SMOC1: variants seen among roughly 807,000 people sequenced by gnomAD.
The protein encoded by SMOC1 is SPARC related modular calcium binding 1.
SMOC1 carries 22 observed loss-of-function variants against 56.3 expected under a neutral mutation model. The ratio of observed to expected loss-of-function variants is 0.39; its 90% confidence interval spans 0.28 to 0.56. The LOEUF (loss-of-function observed/expected upper bound fraction) is 0.56, where lower values mean the gene tolerates loss of function less well. Among genes scored for constraint, SMOC1 ranks in the 20% least tolerant of loss-of-function variants. The pLI is 0.61. For synonymous variants in SMOC1, 193 were observed against 215.0 expected (o/e 0.90, Z 0.89); for missense variants, 509 against 565.4 (o/e 0.90, Z 1.01).
chr14:70,011,401 C>G, intron 8 of SMOC1, 84 bp from the exon 9 acceptor site: 1 of 1,317,006 alleles, frequency 7.6e-7, no homozygotes, highest in Non-Finnish European at 1.1e-6. Flanking sequence ...TTGGTGACAA[C>G]ATAGATCATT....
intron 1 of SMOC1, among the ~76,000 whole-genome samples, chr14:69,925,862 CA>C: frequency 6.6e-6 from 1 of 152,248 alleles, no homozygotes; most frequent in East Asian, 1.9e-4. Context: ...AGCAGGAAAT[CA>C]AACCCTGTTT....
chr14:69,947,344 A>G (rs912227696), intron 1 of SMOC1, among the ~76,000 whole-genome samples: 1 of 151,850 alleles, frequency 6.6e-6, no homozygotes, highest in African/African-American at 2.4e-5. Context: ...TAATTTTAAA[A>G]TTTTTTGTAG....
At chr14:69,980,698 C>T (rs1438595809) in intron 5 of SMOC1, among the ~76,000 whole-genome samples, 1 of 152,214 alleles carries the variant, frequency 6.6e-6, no homozygotes, top group African/African-American at 2.4e-5. Flanking sequence ...GGTGGGAAGA[C>T]ACAAAGGCCC....
chr14:69,966,586 C>G (rs889731137), intron 3 of SMOC1, among the ~76,000 whole-genome samples: 16 of 152,174 alleles, frequency 1.1e-4, no homozygotes, highest in Admixed American at 1.0e-3. Flanking sequence ...CTACCTACCC[C>G]ACTCCAATCC....
At chr14:69,932,884 A>G (rs1454658933) in intron 1 of SMOC1, among the ~76,000 whole-genome samples, 1 of 152,172 alleles carries the variant, frequency 6.6e-6, no homozygotes, top group Admixed American at 6.5e-5. Flanking sequence ...CCGATGAGAC[A>G]TTCTGAGCAA....
intron 1 of SMOC1, among the ~76,000 whole-genome samples, chr14:69,938,227 C>T (rs1882399035): frequency 6.6e-6 from 1 of 152,134 alleles, no homozygotes; most frequent in Admixed American, 6.5e-5. Flanking sequence ...CCATGACATA[C>T]TCTCCAGGGG....
chr14:70,030,133 G>T, intron 11 of SMOC1, 109 bp from the exon 12 acceptor site: 2 of 1,535,268 alleles, frequency 1.3e-6, no homozygotes, highest in Non-Finnish European at 1.8e-6. Context: ...CACTTGTGGG[G>T]AAATTGATGG....
chr14:69,879,830 C>T (rs992653194), intron 1 of SMOC1, 53 bp downstream of exon 1: 62 of 1,446,596 alleles, frequency 4.3e-5, no homozygotes, highest in Non-Finnish European at 5.6e-5. Flanking sequence ...GAGGTTGCTT[C>T]CCCCCTCATC....
intron 3 of SMOC1, among the ~76,000 whole-genome samples, chr14:69,958,707 A>G (rs1187028278): frequency 6.6e-6 from 1 of 152,240 alleles, no homozygotes; most frequent in African/African-American, 2.4e-5. Flanking sequence ...TATTCTAAGG[A>G]AGTAACTAAA....
At chr14:69,971,980 T>G (rs1275518042) in intron 3 of SMOC1, among the ~76,000 whole-genome samples, 1 of 152,184 alleles carries the variant, frequency 6.6e-6, no homozygotes, top group African/African-American at 2.4e-5. Context: ...TATAACACAA[T>G]GATAATAAAA....
intron 4 of SMOC1, 105 bp from the exon 5 acceptor site, chr14:69,977,813 A>G: frequency 1.2e-6 from 1 of 855,568 alleles, no homozygotes; most frequent in Non-Finnish European, 2.0e-6. Flanking sequence ...CAATACATAT[A>G]TACATGACCA....
chr14:69,928,352 G>T (rs192978063), intron 1 of SMOC1, among the ~76,000 whole-genome samples: 2 of 152,282 alleles, frequency 1.3e-5, no homozygotes, highest in African/African-American at 2.4e-5. Context: ...GTTTTTCTTG[G>T]CAAATTGCGA....
At chr14:69,943,849 A>G (rs1354770885) in intron 1 of SMOC1, among the ~76,000 whole-genome samples, 1 of 152,170 alleles carries the variant, frequency 6.6e-6, no homozygotes, top group African/African-American at 2.4e-5. Flanking sequence ...GGGGGCAACT[A>G]CTATAGACCC....
intron 1 of SMOC1, among the ~76,000 whole-genome samples, chr14:69,936,812 G>A (rs10139615): frequency 0.54 from 82,511 of 152,020 alleles, 22,612 homozygotes; most frequent in Admixed American, 0.59. Context: ...ACCCATCTGT[G>A]TTCCTACCAT....
At chr14:69,995,792 G>A (rs948563721) in intron 7 of SMOC1, among the ~76,000 whole-genome samples, 19 of 152,088 alleles carry the variant, frequency 1.2e-4, no homozygotes, top group African/African-American at 3.6e-4. Context: ...TATGAATAAC[G>A]GGAATAGTAA....
chr14:69,920,593 A>G (rs1252297466), intron 1 of SMOC1, among the ~76,000 whole-genome samples: 1 of 152,250 alleles, frequency 6.6e-6, no homozygotes, highest in Non-Finnish European at 1.5e-5. Context: ...GTTCTGTGCC[A>G]GACACAGCGC....
In SMOC1 at chr14:70,023,354, T is replaced by G; in HGVS notation, c.1198T>G (p.Cys400Gly). The change falls in exon 11 of 12, where the codon TGT becomes GGT. Residue 400 changes from cysteine to glycine, a missense_variant. Physicochemically the swap from Cys to Gly is radical, Grantham distance 159. Coordinates refer to ENST00000361956, the MANE Select transcript of SMOC1 (RefSeq NM_001034852.3). ...GAAGAAGAAAGCCAAGCCCAAGAAA[T>G]GTGCCCGGCGTTTCACCGACTACTG... Reference protein sequence around the residue: ...YVKKKAKPKKCARRFTDYCDL... With the variant: ...YVKKKAKPKKGARRFTDYCDL... The G allele has an allele frequency of 6.2e-7, 1 of 1,613,978 alleles. No individual in the cohort carries two copies. Among genetic ancestry groups the G allele is most frequent in the Non-Finnish European group, 8.5e-7 (1 of 1,180,006 alleles).
At chr14:69,903,945 A>C (rs1217544591) in intron 1 of SMOC1, among the ~76,000 whole-genome samples, 2 of 151,098 alleles carry the variant, frequency 1.3e-5, no homozygotes, top group Non-Finnish European at 2.9e-5. Flanking sequence ...CTACTGGAGG[A>C]GGAGAGGTCA....
chr14:69,931,970 G>A (rs552094096), intron 1 of SMOC1, among the ~76,000 whole-genome samples: 14 of 152,326 alleles, frequency 9.2e-5, no homozygotes, highest in Non-Finnish European at 1.6e-4. Context: ...AGCAGGTGTC[G>A]CGCAGGGAGC....
Sources: allele counts gnomAD v4.1 joint callset (sites outside exome capture counted in the v4.1 genomes callset), GRCh38; gene constraint gnomAD v4.1.1; transcripts MANE v1.5; gene names NCBI Gene and HGNC (gene_info 2026-07-23, HGNC 2026-07-21).